FXYD6: variants seen among roughly 807,000 people sequenced by gnomAD.
The protein encoded by FXYD6 is FXYD domain-containing ion transport regulator 6.
FXYD6 carries 7 observed loss-of-function variants against 16.7 expected under a neutral mutation model. The ratio of observed to expected loss-of-function variants is 0.42; its 90% CI spans 0.24 to 0.79. The LOEUF is 0.79. Among genes scored for constraint, FXYD6 ranks in the 30% least tolerant of loss-of-function variants. The pLI is 0.28. For synonymous variants in FXYD6, 49 were observed against 43.0 expected, an observed-to-expected ratio of 1.14 and a Z score of -0.54; for missense variants, 111 against 116.2, an observed-to-expected ratio of 0.95 and a Z score of 0.21.
rs2056242034 is a variant in FXYD6 at position 117,838,131 on chromosome 11, T to C, written c.*168A>G. The stretch of plus-strand genomic sequence containing the variant: ...GGCAAGTGTTAGTTGCATCATCAGG[T>C]GGAGGAATGGTGTTAGAGGGGATAG... On this transcript the variant is annotated 3_prime_UTR_variant, in exon 8 of 8. Coordinates refer to ENST00000526014, the MANE Select transcript of FXYD6 (RefSeq NM_022003.4). 1.4e-6 allele frequency: 1 copy of C among 697,126 alleles called. No individual in the cohort carries two copies. The highest frequency in any genetic ancestry group is 2.0e-5 in the Admixed American group (1 of 49,864). 43.2% of individuals were successfully genotyped at this position (697,126 alleles called of 1,614,324 possible).
chr11:117,858,615 T>G (rs1475823581), intron 1 of FXYD6, among the ~76,000 whole-genome samples: 3 of 152,006 alleles, frequency 2.0e-5, no homozygotes, highest in African/African-American at 7.2e-5. Context: ...GAGAGTCGAT[T>G]CTGCTTCATT....
At chr11:117,863,647 C>A (rs898528060) in intron 1 of FXYD6, among the ~76,000 whole-genome samples, 1 of 152,150 alleles carries the variant, frequency 6.6e-6, no homozygotes, top group Non-Finnish European at 1.5e-5. Context: ...AAGTAAAAGG[C>A]ATCCAAATTG....
At chr11:117,874,830 G>C (rs2057220322) in intron 1 of FXYD6, among the ~76,000 whole-genome samples, 1 of 152,240 alleles carries the variant, frequency 6.6e-6, no homozygotes, top group East Asian at 1.9e-4. Context: ...CCGGACTGGG[G>C]CTTTGAGGAG....
rs371946516 is a variant in FXYD6, at chr11:117,857,037, AGC to A, written c.-5-14258_-5-14257del. Among the ~76,000 whole-genome samples, 916 of 152,260 alleles carry A rather than the reference AGC, an allele frequency of 6.0e-3. 11 individuals are homozygous for A. Among genetic ancestry groups the A allele is most frequent in the African/African-American group, 0.02 (850 of 41,540 alleles). On this transcript the variant is annotated intron_variant, in intron 1 of 7. Transcript: ENST00000526014. ...AAGGGAAGGGGGGTAGCCTGGCTGG[AGC>A]CAGGGAAGAGGGCGAGGCCCTGCAG... is the stretch of plus-strand genomic sequence containing the variant.
In FXYD6 at chr11:117,838,040, G is replaced by GTC. The variant is rs1491272566; in HGVS notation, c.*257_*258dup. ...AGACCACAGTTAGCAAACACACACA[G>GTC]TCACACACACACACACACACACACA... On this transcript the variant is annotated 3_prime_UTR_variant, in exon 8 of 8. Transcript: ENST00000526014. 1.8e-5 allele frequency: 11 copies of GTC among 596,972 alleles called. No individual in the cohort carries two copies. The South Asian group carries it at 1.9e-4, about 10-fold the overall frequency. The allele number at this position is 596,972 out of a possible 1,614,324, so 37.0% of individuals were successfully genotyped here.
chr11:117,872,387 G>A lies in FXYD6; in HGVS notation c.-6+4205C>T, dbSNP rs2057158428. ...TGGACATGAGGTGGACAGTAGGGGAGAGGAAGGAACAGGACAAGCCCATTG... is the reference window on the plus strand; with the variant it reads ...TGGACATGAGGTGGACAGTAGGGGAAAGGAAGGAACAGGACAAGCCCATTG... On this transcript the variant is annotated intron_variant, in intron 1 of 7. Transcript: ENST00000526014. This position sits in a 1 kb window ranked among gnomAD's most constrained non-coding sequence, Gnocchi z 4.9. Among the ~76,000 whole-genome samples the A allele has an allele frequency of 6.6e-6, 1 of 152,166 alleles. No homozygotes were observed. The highest frequency in any genetic ancestry group is 1.5e-5 in the Non-Finnish European group (1 of 68,028).
intron 1 of FXYD6, among the ~76,000 whole-genome samples, chr11:117,864,271 G>C (rs1358060123): frequency 2.0e-5 from 3 of 152,220 alleles, no homozygotes; most frequent in Non-Finnish European, 4.4e-5. Flanking sequence ...GTAGGATAAA[G>C]TCCAGAAATA....
chr11:117,852,459 C>T (rs1169761144), intron 1 of FXYD6, among the ~76,000 whole-genome samples: 1 of 152,216 alleles, frequency 6.6e-6, no homozygotes, highest in Non-Finnish European at 1.5e-5. Flanking sequence ...GATGTTATTC[C>T]ACTGCTATCT....
intron 7 of FXYD6, 24 bp downstream of exon 7, chr11:117,839,757 C>T (rs1254018432): frequency 2.5e-6 from 4 of 1,614,138 alleles, no homozygotes; most frequent in Non-Finnish European, 1.7e-6. Flanking sequence ...CAACAGGGGC[C>T]AATCCAGGCA....
At chr11:117,845,838 T>G (rs2056454853) in intron 1 of FXYD6, among the ~76,000 whole-genome samples, 2 of 152,242 alleles carry the variant, frequency 1.3e-5, no homozygotes, top group South Asian at 4.1e-4. Flanking sequence ...AAATAATACT[T>G]ACTATGAATG....
upstream of FXYD6, chr11:117,877,015 G>C (rs913587146): frequency 1.2e-4 from 18 of 152,298 alleles, no homozygotes; most frequent in Admixed American, 1.2e-3. Flanking sequence ...TTTGCCATCA[G>C]CTGTTGCTTT....
At chr11:117,856,475 T>A (rs2056728391) in intron 1 of FXYD6, among the ~76,000 whole-genome samples, 1 of 152,024 alleles carries the variant, frequency 6.6e-6, no homozygotes, top group Non-Finnish European at 1.5e-5. Context: ...GATGACAAGC[T>A]CTGAGGGGTC....
chr11:117,864,609 C>T (rs1373702445), intron 1 of FXYD6, among the ~76,000 whole-genome samples: 6 of 151,688 alleles, frequency 4.0e-5, no homozygotes, highest in Admixed American at 1.3e-4. Flanking sequence ...TTTTTTGAGA[C>T]GGAGTCTCAC....
At chr11:117,865,900 C>T (rs900940698) in intron 1 of FXYD6, among the ~76,000 whole-genome samples, 10 of 149,540 alleles carry the variant, frequency 6.7e-5, no homozygotes, top group South Asian at 2.1e-4. Context: ...CCAGCCTGGG[C>T]GACAGAACAA....
chr11:117,843,448 A>G (rs537197867), intron 1 of FXYD6, among the ~76,000 whole-genome samples: 3 of 152,250 alleles, frequency 2.0e-5, no homozygotes, highest in East Asian at 3.9e-4. Flanking sequence ...GAAGATCTCA[A>G]CTGTGTCCTT....
intron 1 of FXYD6, among the ~76,000 whole-genome samples, chr11:117,862,928 C>G (rs2056940964): frequency 6.6e-6 from 1 of 152,150 alleles, no homozygotes; most frequent in African/African-American, 2.4e-5. Context: ...CTGTTCCCTG[C>G]CCACATTGGT....
At position 117,839,829 on chromosome 11, in the gene FXYD6, T is replaced by C. The variant is rs182902052; in HGVS notation, c.261A>G (p.Ala87=). The C allele has an allele frequency of 1.2e-6, 2 of 1,614,190 alleles. No individual in the cohort carries two copies. Among genetic ancestry groups the C allele is most frequent in the African/African-American group, 2.7e-5 (2 of 75,048 alleles). Residue 87 remains alanine, a splice_region_variant and synonymous_variant, in exon 7 of 8, where the codon GCA becomes GCG. Transcript: ENST00000526014. ...AQVENLITAN[A]TEPQKAEN ...AGTTCTCTGCTTTCTGGGGCTCTGT[T>C]GCTGGAAAGAAAACCAGAATGGATT... is the stretch of plus-strand genomic sequence containing the variant.
intron 1 of FXYD6, among the ~76,000 whole-genome samples, chr11:117,844,400 A>G (rs2056425796): frequency 6.6e-6 from 1 of 152,148 alleles, no homozygotes; most frequent in Non-Finnish European, 1.5e-5. Context: ...CTTTACAAAG[A>G]CTGCTGCAGT....
Position 117,842,040 on chromosome 11 carries a change from A to G in FXYD6, c.59-12T>C. 6.2e-7 allele frequency: 1 copy of G among 1,614,172 alleles called. No individual in the cohort carries two copies. The highest frequency in any genetic ancestry group is 8.5e-7 in the Non-Finnish European group (1 of 1,180,036). ...CTCCTTTTCAGCTGCTGCAAAAACA[A>G]ACAGTTGGTCAAGAGAAAGAAAGCT... On this transcript the variant is annotated splice_polypyrimidine_tract_variant and intron_variant, in intron 2 of 7. Transcript: ENST00000526014.
Sources: allele counts gnomAD v4.1 joint callset (sites outside exome capture counted in the v4.1 genomes callset), GRCh38; gene constraint gnomAD v4.1.1; non-coding constraint Gnocchi (gnomAD v3.1); transcripts MANE v1.5; gene names NCBI Gene and HGNC (gene_info 2026-07-23, HGNC 2026-07-21).